The following TTC17 variants were observed in gnomAD, a reference collection of about 807,000 sequenced individuals.
TTC17 encodes the protein tetratricopeptide repeat domain 17.
Under a neutral mutation model 143.8 loss-of-function variants are expected in TTC17, and 58 were observed. The ratio of observed to expected loss-of-function variants is 0.40; its 90% CI spans 0.33 to 0.50. The LOEUF (loss-of-function observed/expected upper bound fraction) is 0.50, where lower values mean the gene tolerates loss of function less well. TTC17 is among the 20% of genes least tolerant of loss of function. The pLI, the probability that TTC17 is intolerant of heterozygous loss-of-function variation, is 0.49. For synonymous variants in TTC17, 501 were observed against 497.8 expected (o/e 1.01, Z -0.09); for missense variants, 1,273 against 1,392.5 (o/e 0.91, Z 1.37).
chr11:43,407,269 A>G, intron 14 of TTC17, 54 bp downstream of exon 14: 1 of 1,557,706 alleles, frequency 6.4e-7, no homozygotes, highest in Admixed American at 1.9e-5. Flanking sequence ...ATTATAAGTA[A>G]AAGTTAAAAT....
chr11:43,407,113 GT>G, intron 13 of TTC17, 24 bp from the exon 14 acceptor site: 1 of 1,491,012 alleles, frequency 6.7e-7, no homozygotes. Flanking sequence ...TTTCAATTGA[GT>G]CAGTCTTCCT....
chr11:43,492,253 A>G (rs1402475994), intron 23 of TTC17, 90 bp downstream of exon 23: 1 of 1,478,180 alleles, frequency 6.8e-7, no homozygotes, highest in Non-Finnish European at 9.1e-7. Context: ...GTCATTGCCC[A>G]CCAATTTCCT....
At chr11:43,435,298 G>A (rs560226256) in intron 16 of TTC17, 12 of 152,260 alleles carry the variant, frequency 7.9e-5, no homozygotes, top group African/African-American at 2.9e-4. Context: ...AATGTCCATG[G>A]AACACAAGGG....
In TTC17 at chr11:43,466,622, G is replaced by A. The variant is rs1947978601; in HGVS notation, c.3030+15357G>A. 3 of 312,886 alleles carry A rather than the reference G, an allele frequency of 9.6e-6. No individual in the cohort carries two copies. The South Asian group carries it at 1.1e-4, about 11-fold the overall frequency. 19.4% of individuals were successfully genotyped at this position (312,886 alleles called of 1,614,324 possible). A position where few individuals can be genotyped will look rare whatever the true frequency, so the allele number is the denominator to read the frequency against. Reference sequence around the variant, plus strand: ...GCATTGGTGGCAAGTCCATCTACGGGGATAAATTTGATGATAAGAACTTTA... The same window carrying A: ...GCATTGGTGGCAAGTCCATCTACGGAGATAAATTTGATGATAAGAACTTTA... On this transcript the variant is annotated intron_variant, in intron 21 of 23. Transcript: ENST00000039989.
intron 16 of TTC17, among the ~76,000 whole-genome samples, chr11:43,438,200 C>A (rs1279040811): frequency 6.6e-6 from 1 of 152,210 alleles, no homozygotes; most frequent in Non-Finnish European, 1.5e-5. Context: ...CTCTGTCACC[C>A]AGGCTGGAGT....
intron 18 of TTC17, chr11:43,445,962 A>G (rs1370588263): frequency 6.7e-7 from 1 of 1,489,546 alleles, no homozygotes; most frequent in Non-Finnish European, 9.1e-7. Flanking sequence ...GGAAAGTGCC[A>G]TAGACATAAT....
intron 21 of TTC17, among the ~76,000 whole-genome samples, chr11:43,458,761 A>G (rs976324687): frequency 2.0e-5 from 3 of 152,184 alleles, no homozygotes; most frequent in Non-Finnish European, 4.4e-5. Flanking sequence ...CCCACAGTCA[A>G]CTGAGGTTCA....
Position 43,407,156 on chromosome 11 carries a change from A to T in TTC17, c.1780A>T (p.Asn594Tyr). 1 of 1,588,708 alleles carries T rather than the reference A, an allele frequency of 6.3e-7. No individual in the cohort carries two copies. The highest frequency in any genetic ancestry group is 8.5e-7 in the Non-Finnish European group (1 of 1,171,528). ...GTTTCAGATTTTGCTTTCCCGTATT[A>T]ATAACTATACTATCCCAGAAGAAGA... ...HARKILLSRI[N>Y]NYTIPEEEIG... Residue 594 changes from asparagine to tyrosine, a missense_variant, in exon 14 of 24, where the codon AAT becomes TAT. Coordinates refer to ENST00000039989, the MANE Select transcript of TTC17 (RefSeq NM_018259.6).
intron 21 of TTC17, among the ~76,000 whole-genome samples, chr11:43,485,717 A>T (rs988414903): frequency 6.6e-6 from 1 of 152,108 alleles, no homozygotes; most frequent in African/African-American, 2.4e-5. Flanking sequence ...CTCACTAGTG[A>T]TCAGGAAATG....
intron 2 of TTC17, 27 bp from the exon 3 acceptor site, chr11:43,389,625 A>G (rs576754366): frequency 2.5e-6 from 4 of 1,584,960 alleles, no homozygotes; most frequent in African/African-American, 2.7e-5. Flanking sequence ...AGAAGAATCC[A>G]TTCTGTTCTT....
In TTC17 at chr11:43,444,096, A is replaced by C. The variant is rs143821486; in HGVS notation, c.2552A>C (p.Asp851Ala). 1.9e-6 allele frequency: 3 copies of C among 1,613,308 alleles called. No homozygotes were observed. The African/African-American group carries it at 4.0e-5, about 22-fold the overall frequency. ...QVKRVKKPKG[D>A]HKKTPGKKVE... ...AAACGTGTAAAGAAACCCAAAGGAG[A>C]TCATAAGAAAACTCCTGGGAAAAAA... Residue 851 changes from aspartate to alanine, a missense_variant, in exon 18 of 24, where the codon GAT becomes GCT. This residue lies in a region of TTC17 where 878 missense variants were observed against 899.8 expected (regional missense o/e 0.98). Coordinates refer to ENST00000039989, the MANE Select transcript of TTC17 (RefSeq NM_018259.6).
chr11:43,383,444 TG>T (rs1857052088), intron 2 of TTC17, among the ~76,000 whole-genome samples: 1 of 151,986 alleles, frequency 6.6e-6, no homozygotes, highest in Non-Finnish European at 1.5e-5. Context: ...CTCCGCCTCC[TG>T]GGGTTCAAGC....
chr11:43,368,190 T>A (rs1856423045), intron 1 of TTC17, among the ~76,000 whole-genome samples: 1 of 152,158 alleles, frequency 6.6e-6, no homozygotes, highest in African/African-American at 2.4e-5. Flanking sequence ...GCCCCTTTTC[T>A]TCCCTCTGTA....
At chr11:43,414,840 G>C in intron 16 of TTC17, 64 bp downstream of exon 16, 1 of 1,514,210 alleles carries the variant, frequency 6.6e-7, no homozygotes, top group African/African-American at 1.4e-5. Flanking sequence ...CTGATCAAAA[G>C]AACACAGAAA....
chr11:43,443,316 G>C lies in TTC17; in HGVS notation c.2252-9G>C. On this transcript the variant is annotated splice_polypyrimidine_tract_variant and intron_variant, in intron 16 of 23. Coordinates refer to ENST00000039989, the MANE Select transcript of TTC17 (RefSeq NM_018259.6). ...ACCTTTTACTAACGTGCTGGCCCTTGAATTTCAGGTACGGTGGTTGAGGAG... is the reference window on the plus strand; with the variant it reads ...ACCTTTTACTAACGTGCTGGCCCTTCAATTTCAGGTACGGTGGTTGAGGAG... 1 of 1,613,590 alleles carries C rather than the reference G, an allele frequency of 6.2e-7. No homozygotes were observed.
intron 8 of TTC17, among the ~76,000 whole-genome samples, chr11:43,399,561 C>T (rs1033058402): frequency 6.6e-6 from 1 of 151,816 alleles, no homozygotes; most frequent in Non-Finnish European, 1.5e-5. Flanking sequence ...CCAGATACTC[C>T]CCAGGAGACT....
chr11:43,414,035 C>T (rs553988199), intron 15 of TTC17, among the ~76,000 whole-genome samples: 1 of 152,180 alleles, frequency 6.6e-6, no homozygotes, highest in East Asian at 1.9e-4. Flanking sequence ...GGAAATAGCC[C>T]AACTGCTAAT....
At chr11:43,436,881 C>G (rs942067809) in intron 16 of TTC17, among the ~76,000 whole-genome samples, 2 of 152,200 alleles carry the variant, frequency 1.3e-5, no homozygotes, top group African/African-American at 4.8e-5. Flanking sequence ...TGGAATATCA[C>G]TTGCTCTTAG....
intron 11 of TTC17, 112 bp from the exon 12 acceptor site, chr11:43,405,402 T>G: frequency 1.3e-6 from 1 of 793,100 alleles, no homozygotes; most frequent in Non-Finnish European, 2.1e-6. Flanking sequence ...ACCATAATCT[T>G]AAGATATTAT....
Sources: allele counts gnomAD v4.1 joint callset (sites outside exome capture counted in the v4.1 genomes callset), GRCh38; gene constraint gnomAD v4.1.1; regional missense constraint gnomAD v4.1.1; transcripts MANE v1.5; gene names NCBI Gene and HGNC (gene_info 2026-07-23, HGNC 2026-07-21).